The following APTX variants were observed in gnomAD, a reference collection of about 807,000 sequenced individuals.
APTX encodes forkhead-associated domain histidine triad-like protein.
A neutral mutation model predicts 42.3 loss-of-function variants in APTX; 33 were observed. That is an observed-to-expected ratio of 0.78 (90% CI 0.59 to 1.04). The LOEUF (loss-of-function observed/expected upper bound fraction) is 1.04. APTX is among the 50% of genes least tolerant of loss of function. The pLI is 0.00. For synonymous variants in APTX, 130 were observed against 146.7 expected, an observed-to-expected ratio of 0.89 and a Z score of 0.82; for missense variants, 421 against 415.1, an observed-to-expected ratio of 1.01 and a Z score of -0.12.
chr9:32,979,638 C>T, intron 6 of APTX: 1 of 157,356 alleles, frequency 6.4e-6, no homozygotes. Context: ...CACATGTGAA[C>T]AAGCCACTCT....
chr9:32,986,064 A>C (rs1489962044), intron 4 of APTX, 34 bp from the exon 5 acceptor site: 2 of 1,392,620 alleles, frequency 1.4e-6, no homozygotes, highest in South Asian at 1.2e-5. Flanking sequence ...ACAAAAAAAA[A>C]AAAAAACAAG....
intron 7 of APTX, among the ~76,000 whole-genome samples, 198 bp downstream of exon 7, chr9:32,974,259 AG>A (rs960003316): frequency 4.9e-4 from 75 of 152,356 alleles, no homozygotes; most frequent in African/African-American, 1.8e-3. Context: ...AGGTCCCCCA[AG>A]AAGACAACTC....
At chr9:32,976,571 A>G (rs1829473170) in intron 6 of APTX, among the ~76,000 whole-genome samples, 1 of 152,214 alleles carries the variant, frequency 6.6e-6, no homozygotes, top group African/African-American at 2.4e-5. Flanking sequence ...TCTGGTCAGT[A>G]TAGGTTTCCA....
intron 1 of APTX, among the ~76,000 whole-genome samples, chr9:33,017,141 T>C (rs13286714): frequency 0.033 from 5,045 of 152,280 alleles, 110 homozygotes; most frequent in Non-Finnish European, 0.05. Context: ...TTTAATTCAG[T>C]GTGGACACTA....
intron 1 of APTX, among the ~76,000 whole-genome samples, chr9:33,020,347 C>G (rs550804597): frequency 1.3e-5 from 2 of 152,224 alleles, no homozygotes; most frequent in African/African-American, 2.4e-5. Context: ...CTCCCTACCT[C>G]TGCATCAAGT....
At chr9:33,018,351 T>C (rs1036901541) in intron 1 of APTX, among the ~76,000 whole-genome samples, 4 of 151,780 alleles carry the variant, frequency 2.6e-5, no homozygotes, top group Non-Finnish European at 5.9e-5. Context: ...GCGGATCACC[T>C]GAGGTCAGGA....
chr9:33,025,023 CA>C (rs1194823413), exon 1 of APTX: 1 of 152,424 alleles, frequency 6.6e-6, no homozygotes, highest in Admixed American at 6.5e-5. Flanking sequence ...CATGCCCCAC[CA>C]GCCGGAGACT....
At chr9:33,021,960 TAAA>T (rs771015871) in intron 1 of APTX, among the ~76,000 whole-genome samples, 6 of 126,404 alleles carry the variant, frequency 4.7e-5, no homozygotes, top group Admixed American at 8.0e-5. Context: ...GCTGTTAATT[TAAA>T]AAAAAAAAAA....
At chr9:33,000,851 T>TTTTC (rs1836233874) in intron 1 of APTX, among the ~76,000 whole-genome samples, 1 of 141,152 alleles carries the variant, frequency 7.1e-6, no homozygotes, top group Non-Finnish European at 1.6e-5. Context: ...TTTTCTTTTT[T>TTTTC]TTTTTTTTTT....
At chr9:33,002,948 G>C (rs1017232503), upstream of APTX, among the ~76,000 whole-genome samples, 4 of 152,196 alleles carry the variant, frequency 2.6e-5, no homozygotes, top group Admixed American at 2.0e-4. Context: ...CAGAGAAGAT[G>C]CAGGTTTATA....
intron 6 of APTX, among the ~76,000 whole-genome samples, chr9:32,977,540 G>A (rs903030894): frequency 6.7e-6 from 1 of 149,702 alleles, no homozygotes; most frequent in African/African-American, 2.4e-5. Context: ...TAAAAATGGG[G>A]GGGAAAAAAC....
intron 6 of APTX, among the ~76,000 whole-genome samples, chr9:32,978,159 C>T (rs1003536044): frequency 1.3e-5 from 2 of 152,144 alleles, no homozygotes; most frequent in African/African-American, 2.4e-5. Flanking sequence ...AATGGAAAGC[C>T]ATGTAGAACC....
At chr9:33,015,587 G>T (rs995643966) in intron 1 of APTX, among the ~76,000 whole-genome samples, 4 of 152,128 alleles carry the variant, frequency 2.6e-5, no homozygotes, top group African/African-American at 7.2e-5. Flanking sequence ...TTGAACTCCT[G>T]ATCTCATGAT....
At position 33,022,668 on chromosome 9, in the gene APTX, A is replaced by T. The variant is rs1438834733; in HGVS notation, c.-5+2355T>A. Among the ~76,000 whole-genome samples, 6 of 152,364 alleles carry T rather than the reference A, an allele frequency of 3.9e-5. No individual in the cohort carries two copies. In the East Asian group the frequency reaches 1.2e-3, roughly 29 times the overall value. On this transcript the variant is annotated intron_variant, in intron 1 of 6. Coordinates refer to the APTX transcript ENST00000436040. ...GCCTACATACTACGCCATTAAAAAT[A>T]ACAAGGCAGATTAGTTATTTATCCT... is the stretch of plus-strand genomic sequence containing the variant.
At chr9:33,003,643 T>C (rs74670305), upstream of APTX, among the ~76,000 whole-genome samples, 2 of 151,554 alleles carry the variant, frequency 1.3e-5, no homozygotes, top group East Asian at 1.9e-4. Flanking sequence ...AAAAAAAAAC[T>C]CCGTATCGAT....
chr9:33,008,337 A>C (rs938723313), intron 1 of APTX, among the ~76,000 whole-genome samples: 1 of 151,984 alleles, frequency 6.6e-6, no homozygotes, highest in Admixed American at 6.6e-5. Flanking sequence ...GAAATTGAGC[A>C]TATTTCTGTA....
upstream of APTX, among the ~76,000 whole-genome samples, chr9:33,006,519 G>A (rs1161488880): frequency 1.3e-5 from 2 of 152,150 alleles, no homozygotes; most frequent in African/African-American, 4.8e-5. Context: ...CCTGATCTAA[G>A]GGAAAAGCAG....
At chr9:33,024,249 G>A (rs1303433610) in intron 1 of APTX, among the ~76,000 whole-genome samples, 1 of 152,210 alleles carries the variant, frequency 6.6e-6, no homozygotes, top group African/African-American at 2.4e-5. Flanking sequence ...CTGAGCTCAC[G>A]CAATCAGCCC....
chr9:33,019,313 AACC>A (rs1368095258), intron 1 of APTX, among the ~76,000 whole-genome samples: 1 of 152,192 alleles, frequency 6.6e-6, no homozygotes, highest in African/African-American at 2.4e-5. Context: ...AGAAGAGAAG[AACC>A]ACAACAAATT....
Sources: gnomAD v4.1 joint callset for allele counts (sites outside exome capture counted in the v4.1 genomes callset) on GRCh38, gnomAD v4.1.1 for gene constraint, MANE v1.5 for transcripts, NCBI Gene and HGNC (gene_info 2026-07-23, HGNC 2026-07-21) for gene names.